The following SLC26A3 variants were observed in gnomAD, a reference collection of about 807,000 sequenced individuals.
The protein encoded by SLC26A3 is solute carrier family 26 member 3, also known as chloride anion exchanger.
A neutral mutation model predicts 85.6 loss-of-function variants in SLC26A3; 64 were observed. That is an observed-to-expected ratio of 0.75 (90% CI 0.61 to 0.92). The LOEUF (loss-of-function observed/expected upper bound fraction) is 0.92. SLC26A3 is among the 40% of genes least tolerant of loss of function. The pLI, the probability that SLC26A3 is intolerant of heterozygous loss-of-function variation, is 0.00. For missense variants in SLC26A3, 922 were observed against 927.3 expected (o/e 0.99, Z 0.07); for synonymous variants, 349 against 336.0 (o/e 1.04, Z -0.42).
intron 11 of SLC26A3, among the ~76,000 whole-genome samples, chr7:107,781,139 A>T (rs947599495): frequency 2.6e-5 from 4 of 152,222 alleles, no homozygotes; most frequent in African/African-American, 9.6e-5. Flanking sequence ...AGTAAAGATT[A>T]CAGAGCATTA....
chr7:107,787,388 A>T lies in SLC26A3; in HGVS notation c.857T>A (p.Leu286His). The T allele has an allele frequency of 1.2e-6, 2 of 1,614,140 alleles. No homozygotes were observed. Among genetic ancestry groups the T allele is most frequent in the Non-Finnish European group, 1.7e-6 (2 of 1,180,012 alleles). ...KEINQRFKDK[L>H]PVPIPIEFIM... ...GAATTCGATTGGAATGGGCACTGGA[A>T]GTTTGTCTTTGAAGCGCTGATTTAT... The change falls in exon 7 of 21, where the codon CTT (leucine) becomes CAT (histidine). Residue 286 changes from leucine (L) to histidine (H), a missense_variant. By Grantham distance (99) the Leu-to-His change is moderately conservative. Coordinates refer to ENST00000340010, the MANE Select transcript of SLC26A3 (RefSeq NM_000111.3).
rs1323712423 is a variant in SLC26A3, at chr7:107,774,859, G to T, written c.1691C>A (p.Pro564Gln). The change falls in exon 16 of 21, where the codon CCA becomes CAA. Residue 564 changes from proline (P) to glutamine (Q), a missense_variant. Pro to Gln is a moderately conservative substitution (Grantham distance 76). Coordinates refer to ENST00000340010, the MANE Select transcript of SLC26A3 (RefSeq NM_000111.3). ...GTTGCGCTTGCGTAGAATTCGAAGT[G>T]GACTAAAGCCAACCTGAGAAACCCA... ...RKLIDAVGFS[P>Q]LRILRKRNKA... 1.2e-6 allele frequency: 2 copies of T among 1,613,976 alleles called. No homozygotes were observed. Among genetic ancestry groups the T allele is most frequent in the Non-Finnish European group, 1.7e-6 (2 of 1,179,874 alleles).
intron 11 of SLC26A3, among the ~76,000 whole-genome samples, chr7:107,781,119 T>G (rs1460693128): frequency 2.6e-5 from 4 of 152,088 alleles, no homozygotes; most frequent in Non-Finnish European, 4.4e-5. Context: ...ATACAACAGA[T>G]TACTTTTAAA....
chr7:107,802,741 G>GTTTTTTT (rs1794619195), intron 1 of SLC26A3, among the ~76,000 whole-genome samples: 1 of 102,594 alleles, frequency 9.7e-6, no homozygotes, highest in African/African-American at 4.3e-5. Flanking sequence ...CTTAAAGCTT[G>GTTTTTTT]CTTTTTTTTT....
chr7:107,790,955 G>A (rs1470838092), intron 5 of SLC26A3, 93 bp downstream of exon 5: 2 of 1,309,472 alleles, frequency 1.5e-6, no homozygotes, highest in Admixed American at 2.0e-5. Context: ...AGGGAAGATG[G>A]GGAGGAGTGG....
chr7:107,771,393 T>C (rs1421825812), intron 18 of SLC26A3, among the ~76,000 whole-genome samples: 2 of 152,136 alleles, frequency 1.3e-5, no homozygotes, highest in Non-Finnish European at 2.9e-5. Flanking sequence ...CATGAAATCA[T>C]AAACATGTAG....
At position 107,794,567 on chromosome 7, in the gene SLC26A3, C is replaced by T. The variant is rs1562882223; in HGVS notation, c.-58G>A. The T allele has an allele frequency of 1.9e-6, 3 of 1,602,130 alleles. No individual in the cohort carries two copies. The highest frequency in any genetic ancestry group is 4.5e-5 in the East Asian group (2 of 44,766). ...GACCTTTGCAACTATGTGGTGAACA[C>T]TTCTTCTTGCCTTTAGCAGGTTAAA... On this transcript the variant is annotated 5_prime_UTR_variant, in exon 2 of 21. The change creates a new upstream start codon in the 5' untranslated region. Transcript: ENST00000340010.
intron 8 of SLC26A3, among the ~76,000 whole-genome samples, chr7:107,785,937 T>C (rs1794288122): frequency 1.3e-5 from 2 of 152,294 alleles, no homozygotes; most frequent in South Asian, 4.2e-4. Context: ...CACCTTTTCC[T>C]TGGTAAGTTG....
intron 1 of SLC26A3, among the ~76,000 whole-genome samples, chr7:107,801,401 A>G (rs538893056): frequency 1.3e-5 from 2 of 152,300 alleles, no homozygotes; most frequent in East Asian, 3.9e-4. Flanking sequence ...CAATATCCAC[A>G]ACACAAAACA....
chr7:107,800,508 C>T (rs1794581233), intron 1 of SLC26A3, among the ~76,000 whole-genome samples: 1 of 152,236 alleles, frequency 6.6e-6, no homozygotes, highest in South Asian at 2.1e-4. Context: ...TCATTTCCTT[C>T]TTGTAAGTAC....
chr7:107,796,635 T>C (rs1794505812), intron 1 of SLC26A3, among the ~76,000 whole-genome samples: 1 of 152,184 alleles, frequency 6.6e-6, no homozygotes, highest in African/African-American at 2.4e-5. Flanking sequence ...TTTTGGCTGA[T>C]TACCAACAAC....
chr7:107,783,675 A>T (rs895478443), intron 8 of SLC26A3, among the ~76,000 whole-genome samples: 1 of 152,242 alleles, frequency 6.6e-6, no homozygotes, highest in African/African-American at 2.4e-5. Context: ...TTCCACTTGT[A>T]TTGTTACACT....
At chr7:107,793,716 T>C in intron 3 of SLC26A3, 26 bp downstream of exon 3, 1 of 1,552,488 alleles carries the variant, frequency 6.4e-7, no homozygotes, top group Non-Finnish European at 8.8e-7. Context: ...TTATTGTATA[T>C]AAATTATACT....
chr7:107,779,600 C>T (rs1794182989), intron 12 of SLC26A3, 68 bp downstream of exon 12: 1 of 1,195,358 alleles, frequency 8.4e-7, no homozygotes, highest in African/African-American at 1.5e-5. Flanking sequence ...TATAAACATG[C>T]ATTTCACATT....
chr7:107,798,058 T>C lies in SLC26A3; in HGVS notation c.-88-3461A>G, dbSNP rs1794540538. On this transcript the variant is annotated intron_variant, in intron 1 of 20. Coordinates refer to ENST00000340010, the MANE Select transcript of SLC26A3 (RefSeq NM_000111.3). ...CAGAGTCCCTTCCTCTTACTAATTA[T>C]AGAATCCCAAGCCTTGTTTGTATAT... Among the ~76,000 whole-genome samples the C allele has an allele frequency of 2.0e-5, 3 of 152,128 alleles. No homozygotes were observed. The South Asian group carries it at 6.2e-4, about 32-fold the overall frequency.
intron 18 of SLC26A3, among the ~76,000 whole-genome samples, chr7:107,769,524 G>T (rs1031823264): frequency 2.0e-5 from 3 of 152,146 alleles, no homozygotes; most frequent in Non-Finnish European, 4.4e-5. Flanking sequence ...GGAGCTAAAT[G>T]ATGAGAACGT....
intron 11 of SLC26A3, among the ~76,000 whole-genome samples, chr7:107,782,247 A>G (rs1406751877): frequency 6.6e-6 from 1 of 152,196 alleles, no homozygotes; most frequent in African/African-American, 2.4e-5. Flanking sequence ...GTGCTGCAGC[A>G]GTTTACAAAG....
chr7:107,788,118 G>C (rs1794328605), intron 6 of SLC26A3, among the ~76,000 whole-genome samples: 1 of 152,126 alleles, frequency 6.6e-6, no homozygotes. Context: ...ATTGCTTCTA[G>C]AACACTCCAC....
At chr7:107,772,914 A>T (rs1794050071) in intron 17 of SLC26A3, among the ~76,000 whole-genome samples, 1 of 152,186 alleles carries the variant, frequency 6.6e-6, no homozygotes, top group Admixed American at 6.5e-5. Context: ...TCCATTTTCT[A>T]ATTTTGTATC....
Sources: gnomAD v4.1 joint callset for allele counts (sites outside exome capture counted in the v4.1 genomes callset) on GRCh38, gnomAD v4.1.1 for gene constraint, MANE v1.5 for transcripts, NCBI Gene and HGNC (gene_info 2026-07-23, HGNC 2026-07-21) for gene names.